The following TVP23C variants were observed in gnomAD, a reference collection of about 807,000 sequenced individuals.
TVP23C encodes trans-golgi network vesicle protein 23 homolog C.
TVP23C carries 19 observed loss-of-function variants against 28.7 expected under a neutral mutation model. That is an observed-to-expected ratio of 0.66 (90% CI 0.46 to 0.97). The LOEUF (loss-of-function observed/expected upper bound fraction) is 0.97. TVP23C is among the 50% of genes least tolerant of loss of function. The pLI is 0.00. For missense variants in TVP23C, 186 were observed against 241.3 expected (o/e 0.77, Z 1.52); for synonymous variants, 68 against 81.7 (o/e 0.83, Z 0.90).
At chr17:15,530,466 G>C (rs924046115) in intron 5 of TVP23C, among the ~76,000 whole-genome samples, 3 of 152,040 alleles carry the variant, frequency 2.0e-5, no homozygotes, top group Non-Finnish European at 4.4e-5. Context: ...CATACAAATT[G>C]CATCTTTTAT....
intron 5 of TVP23C, among the ~76,000 whole-genome samples, chr17:15,524,548 G>A (rs1231674155): frequency 6.6e-6 from 1 of 152,134 alleles, no homozygotes; most frequent in Non-Finnish European, 1.5e-5. Flanking sequence ...CATCAAATAG[G>A]AGGCGACGCC....
At chr17:15,513,453 T>C (rs897681238) in intron 5 of TVP23C, among the ~76,000 whole-genome samples, 2 of 152,190 alleles carry the variant, frequency 1.3e-5, no homozygotes, top group Non-Finnish European at 2.9e-5. Flanking sequence ...TTGATAAGTA[T>C]AGAGGAAGCT....
downstream of TVP23C, among the ~76,000 whole-genome samples, chr17:15,536,203 T>A (rs1319541379): frequency 2.6e-5 from 4 of 151,922 alleles, no homozygotes; most frequent in Admixed American, 2.6e-4. Flanking sequence ...AAAAAAAAAA[T>A]TCAGACAAGT....
At chr17:15,516,205 G>A (rs1369765689) in intron 5 of TVP23C, among the ~76,000 whole-genome samples, 1 of 152,218 alleles carries the variant, frequency 6.6e-6, no homozygotes, top group Admixed American at 6.5e-5. Context: ...AATACACACA[G>A]CGAGGCCAAA....
At chr17:15,506,952 T>G in intron 5 of TVP23C, 1 of 1,214,026 alleles carries the variant, frequency 8.2e-7, no homozygotes, top group South Asian at 1.2e-5. Context: ...CAAACAAGAT[T>G]CCAAAGACGG....
exon 6 of TVP23C, chr17:15,503,063 C>A (rs139022317): frequency 6.2e-7 from 1 of 1,614,096 alleles, no homozygotes; most frequent in African/African-American, 1.3e-5. Context: ...GTAAAGAGCT[C>A]GATCCGTGAT....
At chr17:15,502,719 C>T (rs1417918943) in exon 6 of TVP23C, 3 of 1,156,998 alleles carry the variant, frequency 2.6e-6, no homozygotes, top group Non-Finnish European at 2.3e-6. Context: ...TTCTCTCTCT[C>T]CTCTCTCTCT....
At chr17:15,514,933 C>A (rs555509115) in intron 5 of TVP23C, among the ~76,000 whole-genome samples, 95 of 152,302 alleles carry the variant, frequency 6.2e-4, no homozygotes, top group African/African-American at 2.0e-3. Flanking sequence ...GAGTGTGCCA[C>A]CCAGATCCCC....
chr17:15,541,884 G>C (rs879208486), intron 5 of TVP23C, among the ~76,000 whole-genome samples: 1 of 152,122 alleles, frequency 6.6e-6, no homozygotes, highest in African/African-American at 2.4e-5. Context: ...GGGTACACCT[G>C]AATTCAAAGA....
chr17:15,504,376 G>C (rs571395718), intron 5 of TVP23C, among the ~76,000 whole-genome samples: 1 of 152,154 alleles, frequency 6.6e-6, no homozygotes, highest in Non-Finnish European at 1.5e-5. Flanking sequence ...AATTGAAGTC[G>C]TGGTCATGGG....
At chr17:15,520,479 G>A (rs1982428939) in intron 5 of TVP23C, among the ~76,000 whole-genome samples, 1 of 141,052 alleles carries the variant, frequency 7.1e-6, no homozygotes, top group Non-Finnish European at 1.5e-5. Context: ...TTGCCTCCAG[G>A]TAGAAAGCCA....
rs531050518 is a variant in TVP23C, at chr17:15,523,857, C to T, written c.463-20625G>A. Among the ~76,000 whole-genome samples the T allele has an allele frequency of 2.4e-3, 362 of 152,278 alleles. 2 individuals are homozygous for T. The highest frequency in any genetic ancestry group is 0.014 in the Middle Eastern group (4 of 294). ...CTCGATCTCCTGACCTCGTGATCTG[C>T]CCGCCTCGGCCTCCCAAAGTGCTGG... On this transcript the variant is annotated intron_variant, in intron 5 of 5. Transcript: ENST00000225576.
In TVP23C at chr17:15,538,994, G is replaced by A; in HGVS notation, c.*1418C>T. 1.0e-6 allele frequency: 1 copy of A among 985,696 alleles called. No individual in the cohort carries two copies. The highest frequency in any genetic ancestry group is 1.2e-6 in the Non-Finnish European group (1 of 829,832). 61.1% of individuals were successfully genotyped at this position (985,696 alleles called of 1,614,324 possible). On this transcript the variant is annotated 3_prime_UTR_variant, in exon 6 of 6. Coordinates refer to ENST00000518321, the MANE Select transcript of TVP23C (RefSeq NM_001135036.2). The stretch of plus-strand genomic sequence containing the variant: ...AAAAGAACAATAAATTTTGAGTACA[G>A]AGGGCTGGGTTTAAGATCTAGCTTT...
intron 1 of TVP23C, among the ~76,000 whole-genome samples, chr17:15,556,243 T>C (rs746371533): frequency 3.3e-5 from 5 of 151,958 alleles, no homozygotes; most frequent in Non-Finnish European, 7.4e-5. Context: ...AATCAGCATA[T>C]GCATATAAAC....
chr17:15,538,586 G>A lies in TVP23C; in HGVS notation c.*1826C>T. ...GCCTGGGCAAACAGAGTGAGACTCT[G>A]TCTCAAAAAAAATAAATAAATAAAA... On this transcript the variant is annotated 3_prime_UTR_variant, in exon 6 of 6. Coordinates refer to ENST00000518321, the MANE Select transcript of TVP23C (RefSeq NM_001135036.2). 1.0e-6 allele frequency: 1 copy of A among 980,848 alleles called. No individual in the cohort carries two copies. Among genetic ancestry groups the A allele is most frequent in the Non-Finnish European group, 1.2e-6 (1 of 826,350 alleles). The allele number at this position is 980,848 out of a possible 1,614,324, so 60.8% of individuals were successfully genotyped here. A position where few individuals can be genotyped will look rare whatever the true frequency, so the allele number is the denominator to read the frequency against.
downstream of TVP23C, among the ~76,000 whole-genome samples, chr17:15,533,394 C>T (rs1365110475): frequency 1.3e-5 from 2 of 152,146 alleles, no homozygotes; most frequent in Non-Finnish European, 2.9e-5. Flanking sequence ...AACTCAAATG[C>T]CATGAGCAAT....
Position 15,539,066 on chromosome 17 carries a change from G to A in TVP23C, c.*1346C>T, listed in dbSNP as rs573985806. ...TCTTAAGTAAATAATTTAATTTCTCGGGGCTTTAGTTATCTAAAATGTAAT... is the reference window on the plus strand; with the variant it reads ...TCTTAAGTAAATAATTTAATTTCTCAGGGCTTTAGTTATCTAAAATGTAAT... On this transcript the variant is annotated 3_prime_UTR_variant, in exon 6 of 6. Transcript: ENST00000518321. 24 of 984,348 alleles carry A rather than the reference G, an allele frequency of 2.4e-5. No individual in the cohort carries two copies. The African/African-American group carries it at 2.6e-4, about 11-fold the overall frequency. 61.0% of individuals were successfully genotyped at this position (984,348 alleles called of 1,614,324 possible).
chr17:15,519,922 C>T (rs1291514167), intron 5 of TVP23C, among the ~76,000 whole-genome samples: 3 of 152,192 alleles, frequency 2.0e-5, no homozygotes, highest in Non-Finnish European at 4.4e-5. Flanking sequence ...ACAAAAAGTA[C>T]TGTCATTTGG....
At position 15,537,913 on chromosome 17, in the gene TVP23C, G is replaced by A. The variant is rs561935437; in HGVS notation, c.*2499C>T. On this transcript the variant is annotated 3_prime_UTR_variant, in exon 6 of 6. Transcript: ENST00000518321. Reference sequence around the variant, plus strand: ...ACACCACAGAACAAATCTTAACAATGTTTCTAGTGCCAACATATACTTTCT... The same window carrying A: ...ACACCACAGAACAAATCTTAACAATATTTCTAGTGCCAACATATACTTTCT... The A allele has an allele frequency of 6.6e-5, 94 of 1,433,664 alleles. No homozygotes were observed. In the South Asian group the frequency reaches 1.4e-3, roughly 21 times the overall value. 88.8% of individuals were successfully genotyped at this position (1,433,664 alleles called of 1,614,324 possible). A position where few individuals can be genotyped will look rare whatever the true frequency, so the allele number is the denominator to read the frequency against.
Sources: allele counts gnomAD v4.1 joint callset (sites outside exome capture counted in the v4.1 genomes callset), GRCh38; gene constraint gnomAD v4.1.1; transcripts MANE v1.5; gene names NCBI Gene and HGNC (gene_info 2026-07-23, HGNC 2026-07-21).